The following STAG1 variants were observed in gnomAD, a reference collection of about 807,000 sequenced individuals.
STAG1 encodes STAG1 cohesin complex component.
Under a neutral mutation model 170.9 loss-of-function variants are expected in STAG1, and 26 were observed. The ratio of observed to expected loss-of-function variants is 0.15; its 90% confidence interval spans 0.11 to 0.21. The LOEUF is 0.21. STAG1 is among the 10% of genes least tolerant of loss of function. The pLI, the probability that STAG1 is intolerant of heterozygous loss-of-function variation, is 1.00. For missense variants in STAG1, 964 were observed against 1,509.5 expected (o/e 0.64, Z 5.99); for synonymous variants, 514 against 497.7 (o/e 1.03, Z -0.44).
At chr3:136,568,667 T>G in intron 5 of STAG1, 98 bp downstream of exon 5, 1 of 793,344 alleles carries the variant, frequency 1.3e-6, no homozygotes, top group Non-Finnish European at 2.1e-6. Context: ...AATCTTTAAT[T>G]TTAGGGTAAA....
chr3:136,344,439 G>A (rs373812246), intron 29 of STAG1, among the ~76,000 whole-genome samples: 1 of 152,088 alleles, frequency 6.6e-6, no homozygotes, highest in Non-Finnish European at 1.5e-5. Flanking sequence ...ATTAAAGTCT[G>A]ACTGGCTTTT....
rs143976708 is a variant in STAG1, at chr3:136,429,485, A to G, written c.1650+4071T>C. ...ATGAGTGCTTCTGAACTGGTACCAG[A>G]TGATGAGGAAGAAAATGCTGAAGAA... On this transcript the variant is annotated intron_variant, in intron 16 of 33. Coordinates refer to ENST00000383202, the MANE Select transcript of STAG1 (RefSeq NM_005862.3). Among the ~76,000 whole-genome samples, 148 of 152,292 alleles carry G rather than the reference A, an allele frequency of 9.7e-4. 1 individual carries two copies. The highest frequency in any genetic ancestry group is 3.5e-3 in the African/African-American group (145 of 41,578).
Position 136,473,649 on chromosome 3 carries a change from C to A in STAG1, c.1027-12G>T, listed in dbSNP as rs2089677026. 1.3e-6 allele frequency: 2 copies of A among 1,595,266 alleles called. No homozygotes were observed. Among genetic ancestry groups the A allele is most frequent in the Non-Finnish European group, 1.7e-6 (2 of 1,165,450 alleles). ...CTGACTTCCCCTTGCTTCAGAAATA[C>A]AAATAAAAGCACAACAGAAGGAGTC... On this transcript the variant is annotated splice_polypyrimidine_tract_variant and intron_variant, in intron 10 of 33. Coordinates refer to ENST00000383202, the MANE Select transcript of STAG1 (RefSeq NM_005862.3).
intron 13 of STAG1, among the ~76,000 whole-genome samples, chr3:136,459,943 A>G (rs2107789956): frequency 6.6e-6 from 1 of 152,288 alleles, no homozygotes; most frequent in Admixed American, 6.5e-5. Flanking sequence ...AAAGGTATCA[A>G]GGAACTAGAA....
chr3:136,533,834 C>G (rs982450686), intron 6 of STAG1, among the ~76,000 whole-genome samples: 8 of 152,018 alleles, frequency 5.3e-5, no homozygotes, highest in African/African-American at 1.9e-4. Flanking sequence ...CAATGTAATC[C>G]CTATCAAAAT....
intron 29 of STAG1, among the ~76,000 whole-genome samples, chr3:136,344,628 T>C (rs1936139919): frequency 1.3e-5 from 2 of 152,124 alleles, no homozygotes; most frequent in African/African-American, 2.4e-5. Context: ...TAAACTTTTT[T>C]TTCAAGACGG....
intron 6 of STAG1, among the ~76,000 whole-genome samples, chr3:136,523,030 C>T (rs545457758): frequency 7.5e-4 from 114 of 152,200 alleles, no homozygotes; most frequent in African/African-American, 2.2e-3. Context: ...AATAAACATA[C>T]GTGTGCATAG....
At chr3:136,562,889 TTC>T (rs1157888847) in intron 5 of STAG1, among the ~76,000 whole-genome samples, 1 of 152,156 alleles carries the variant, frequency 6.6e-6, no homozygotes, top group East Asian at 1.9e-4. Flanking sequence ...CGCCCAGCAT[TTC>T]TGACTATTTC....
intron 4 of STAG1, among the ~76,000 whole-genome samples, chr3:136,591,997 A>G (rs1419406585): frequency 6.6e-6 from 1 of 152,216 alleles, no homozygotes; most frequent in Non-Finnish European, 1.5e-5. Flanking sequence ...AGGTTGGGAC[A>G]TGAGGCCAGA....
intron 9 of STAG1, among the ~76,000 whole-genome samples, chr3:136,485,438 C>T (rs192595166): frequency 3.3e-5 from 5 of 151,992 alleles, no homozygotes; most frequent in African/African-American, 1.2e-4. Flanking sequence ...GCCTGGGTGA[C>T]AGAGTGAGAT....
intron 21 of STAG1, among the ~76,000 whole-genome samples, chr3:136,416,844 C>CTTT (rs66573534): frequency 7.9e-6 from 1 of 127,190 alleles, no homozygotes; most frequent in Non-Finnish European, 1.6e-5. Context: ...TCATAATTAA[C>CTTT]TTTTTTTTTT....
In STAG1 at chr3:136,394,306, C is replaced by T. The variant is rs116409402; in HGVS notation, c.2277+4443G>A. On this transcript the variant is annotated intron_variant, in intron 22 of 33. Coordinates refer to ENST00000383202, the MANE Select transcript of STAG1 (RefSeq NM_005862.3). ...TAAAATTATAGACAGAACTGATGTA[C>T]GATGACTACTGAATATACCCTGGAC... Among the ~76,000 whole-genome samples the T allele has an allele frequency of 9.0e-3, 1,369 of 152,216 alleles. 28 individuals are homozygous for T. Among genetic ancestry groups the T allele is most frequent in the African/African-American group, 0.029 (1,219 of 41,536 alleles).
chr3:136,521,500 G>C, intron 6 of STAG1, 83 bp from the exon 7 acceptor site: 1 of 1,221,922 alleles, frequency 8.2e-7, no homozygotes, highest in Non-Finnish European at 1.2e-6. Flanking sequence ...ACCTACATAG[G>C]AACCCTTTTT....
intron 23 of STAG1, among the ~76,000 whole-genome samples, chr3:136,371,514 T>C (rs1455787992): frequency 6.6e-6 from 1 of 152,234 alleles, no homozygotes; most frequent in Non-Finnish European, 1.5e-5. Flanking sequence ...CTTTAATCCA[T>C]CTTGAATTAA....
chr3:136,613,313 C>CAAAAAAAAAAAAAAAAAA (rs60449608), intron 3 of STAG1, among the ~76,000 whole-genome samples: 14 of 59,756 alleles, frequency 2.3e-4, no homozygotes, highest in Admixed American at 2.9e-4. Flanking sequence ...GACTCCGTCT[C>CAAAAAAAAAAAAAAAAAA]AAAAAAAAAA....
chr3:136,485,083 G>A (rs941709758), intron 9 of STAG1, among the ~76,000 whole-genome samples: 6 of 152,112 alleles, frequency 3.9e-5, no homozygotes, highest in Non-Finnish European at 8.8e-5. Flanking sequence ...GTTCCTATTC[G>A]GCCATCTTGG....
intron 27 of STAG1, among the ~76,000 whole-genome samples, chr3:136,358,553 T>C (rs1186549471): frequency 6.6e-6 from 1 of 152,168 alleles, no homozygotes. Flanking sequence ...ATCAGTTTTG[T>C]ATAGTCTTAA....
chr3:136,503,349 A>T (rs915737522), intron 7 of STAG1, among the ~76,000 whole-genome samples: 4 of 152,190 alleles, frequency 2.6e-5, no homozygotes, highest in Admixed American at 2.6e-4. Context: ...GTACTTTGTG[A>T]ATTTCCAATT....
rs745623191 is a variant in STAG1 at position 136,702,075 on chromosome 3, A to AAGAG, written c.-84+50116_-84+50119dup. The stretch of plus-strand genomic sequence containing the variant: ...CTACAGGCATGCACCACCATGCCGA[A>AAGAG]AGAGAGAGAGAGAGAGAGAGAGAGA... On this transcript the variant is annotated intron_variant, in intron 1 of 33. Transcript: ENST00000383202. Among the ~76,000 whole-genome samples, 794 of 92,136 alleles carry AAGAG rather than the reference A, an allele frequency of 8.6e-3. 17 individuals are homozygous for AAGAG. Among genetic ancestry groups the AAGAG allele is most frequent in the East Asian group, 0.015 (47 of 3,126 alleles). The allele number at this position is 92,136 out of a possible 152,430, so 60.4% of individuals were successfully genotyped here.
Sources: allele counts gnomAD v4.1 joint callset (sites outside exome capture counted in the v4.1 genomes callset), GRCh38; gene constraint gnomAD v4.1.1; transcripts MANE v1.5; gene names NCBI Gene and HGNC (gene_info 2026-07-23, HGNC 2026-07-21).